Variants in TDRP observed in about 807,000 individuals in gnomAD.
The protein encoded by TDRP is testis development-related protein.
In TDRP, 12 loss-of-function variants were observed where a neutral mutation model predicts 10.5. That is an observed-to-expected ratio of 1.15 (90% CI 0.73 to 1.86). The LOEUF (loss-of-function observed/expected upper bound fraction) is 1.86. Ranked by LOEUF, TDRP falls within the 40% of genes most tolerant of loss-of-function variation. TDRP has a pLI of 0.00. For synonymous variants in TDRP, 139 were observed against 95.4 expected (o/e 1.46, Z -2.67); for missense variants, 353 against 229.2 (o/e 1.54, Z -3.49).
rs908339406 is a variant in TDRP at position 491,464 on chromosome 8, C to T, written c.*935G>A. 2.7e-5 allele frequency: 19 copies of T among 711,890 alleles called. No homozygotes were observed. Among genetic ancestry groups the T allele is most frequent in the Non-Finnish European group, 3.8e-5 (18 of 477,792 alleles). 44.1% of individuals were successfully genotyped at this position (711,890 alleles called of 1,614,324 possible). On this transcript the variant is annotated 3_prime_UTR_variant, in exon 3 of 3. Transcript: ENST00000324079. ...CGAGAGATGCTCTCAAACCGGTCGTCGATTATTCTTGTGGAAAAAACACAG... is the reference window on the plus strand; with the variant it reads ...CGAGAGATGCTCTCAAACCGGTCGTTGATTATTCTTGTGGAAAAAACACAG...
At chr8:502,428 GT>G (rs1161983771) in intron 1 of TDRP, among the ~76,000 whole-genome samples, 2 of 152,244 alleles carry the variant, frequency 1.3e-5, no homozygotes, top group Admixed American at 6.5e-5. Flanking sequence ...TCAGGGTGTG[GT>G]GGGGCTAGGC....
At chr8:506,983 G>T (rs886535506) in intron 1 of TDRP, among the ~76,000 whole-genome samples, 1 of 152,172 alleles carries the variant, frequency 6.6e-6, no homozygotes, top group African/African-American at 2.4e-5. Context: ...AAAGGAAAGA[G>T]GTTTAATTGA....
intron 1 of TDRP, among the ~76,000 whole-genome samples, chr8:512,206 A>G (rs1801637576): frequency 6.6e-6 from 1 of 152,044 alleles, no homozygotes; most frequent in Non-Finnish European, 1.5e-5. Flanking sequence ...CAGGTGGATC[A>G]CGAGGTGGAG....
chr8:493,090 G>C (rs752863266), intron 2 of TDRP, among the ~76,000 whole-genome samples: 4 of 152,182 alleles, frequency 2.6e-5, no homozygotes, highest in Non-Finnish European at 4.4e-5. Context: ...CCAGGGTCTA[G>C]ATTAAGAAAC....
intron 1 of TDRP, among the ~76,000 whole-genome samples, chr8:515,320 T>C (rs1238465665): frequency 6.6e-6 from 1 of 152,210 alleles, no homozygotes; most frequent in African/African-American, 2.4e-5. Context: ...ATTAAAACTA[T>C]GAGTATATAC....
At chr8:512,737 G>C (rs932108544) in intron 1 of TDRP, among the ~76,000 whole-genome samples, 1 of 152,160 alleles carries the variant, frequency 6.6e-6, no homozygotes, top group Non-Finnish European at 1.5e-5. Context: ...CATTTTTGTA[G>C]GCAAAGGTGG....
chr8:507,187 T>G lies in TDRP; in HGVS notation c.109-12590A>C, dbSNP rs1801490701. Among the ~76,000 whole-genome samples the G allele has an allele frequency of 2.6e-5, 4 of 152,154 alleles. No homozygotes were observed. The South Asian group carries it at 8.3e-4, about 32-fold the overall frequency. On this transcript the variant is annotated intron_variant, in intron 1 of 2. Transcript: ENST00000324079. ...CTCACTCACTATCATGAGAACAGTG[T>G]AGGGGAGACTGCCCCCATAATCCAA... is the stretch of plus-strand genomic sequence containing the variant.
intron 1 of TDRP, among the ~76,000 whole-genome samples, chr8:498,821 G>A (rs2116728514): frequency 6.6e-6 from 1 of 152,194 alleles, no homozygotes; most frequent in East Asian, 1.9e-4. Context: ...TTTCCCCCTT[G>A]CTGTTCTTGT....
intron 1 of TDRP, among the ~76,000 whole-genome samples, chr8:528,633 T>A (rs1282951886): frequency 7.6e-6 from 1 of 131,040 alleles, no homozygotes; most frequent in African/African-American, 2.6e-5. Context: ...AAGAGTATAA[T>A]TGGATTGTTT....
chr8:545,437 G>A (rs1215995506), upstream of TDRP, among the ~76,000 whole-genome samples: 1 of 84,772 alleles, frequency 1.2e-5, no homozygotes, highest in East Asian at 3.7e-4. Flanking sequence ...ACTTACTCCC[G>A]GACTGCCCCC....
At chr8:529,619 T>C (rs1288077515) in intron 1 of TDRP, among the ~76,000 whole-genome samples, 1 of 152,204 alleles carries the variant, frequency 6.6e-6, no homozygotes, top group Non-Finnish European at 1.5e-5. Flanking sequence ...TTTTGAAAGA[T>C]GGTTTTGCCA....
At chr8:512,441 A>G (rs1392438247) in intron 1 of TDRP, among the ~76,000 whole-genome samples, 1 of 151,600 alleles carries the variant, frequency 6.6e-6, no homozygotes, top group East Asian at 1.9e-4. Flanking sequence ...CAACAACAAT[A>G]AAAAAAAATC....
At chr8:541,692 C>G (rs1802498296) in intron 1 of TDRP, among the ~76,000 whole-genome samples, 1 of 152,126 alleles carries the variant, frequency 6.6e-6, no homozygotes, top group Non-Finnish European at 1.5e-5. Flanking sequence ...AATCGCAATT[C>G]AAGACAAAGA....
chr8:512,193 C>CA (rs1801637308), intron 1 of TDRP, among the ~76,000 whole-genome samples: 1 of 151,618 alleles, frequency 6.6e-6, no homozygotes, highest in Admixed American at 6.6e-5. Flanking sequence ...TGGAAGGCCA[C>CA]AGCAGGTGGA....
chr8:523,477 ATAGCAGCAGTCAAGCTCCTGGGGT>A (rs1236046767), intron 1 of TDRP, among the ~76,000 whole-genome samples: 1 of 152,168 alleles, frequency 6.6e-6, no homozygotes, highest in African/African-American at 2.4e-5. Context: ...ACAGTAGGGT[ATAGCAGCAGTCAAGCTCCTGGGGT>A]CCCTGATTCC....
intron 1 of TDRP, among the ~76,000 whole-genome samples, chr8:514,748 T>C (rs1226270588): frequency 6.6e-6 from 1 of 152,084 alleles, no homozygotes; most frequent in African/African-American, 2.4e-5. Context: ...ATTTTTGCAT[T>C]CCAGCTCTAT....
chr8:507,055 T>A (rs149388015), intron 1 of TDRP, among the ~76,000 whole-genome samples: 3 of 152,112 alleles, frequency 2.0e-5, no homozygotes, highest in Non-Finnish European at 4.4e-5. Flanking sequence ...CTTACAATCA[T>A]GGCGGAAGGC....
intron 1 of TDRP, among the ~76,000 whole-genome samples, chr8:535,077 T>C (rs1053282193): frequency 6.6e-6 from 1 of 152,234 alleles, no homozygotes; most frequent in Non-Finnish European, 1.5e-5. Flanking sequence ...ATTTAGTCTA[T>C]AACATTTTTG....
intron 1 of TDRP, among the ~76,000 whole-genome samples, chr8:501,904 C>A (rs955945862): frequency 6.6e-6 from 1 of 152,204 alleles, no homozygotes; most frequent in East Asian, 1.9e-4. Flanking sequence ...GTGCATGACC[C>A]TGACCCACCC....
Sources: allele counts gnomAD v4.1 joint callset (sites outside exome capture counted in the v4.1 genomes callset), GRCh38; gene constraint gnomAD v4.1.1; transcripts MANE v1.5; gene names NCBI Gene and HGNC (gene_info 2026-07-23, HGNC 2026-07-21).